SKIC3: variants seen among roughly 807,000 people sequenced by gnomAD.
SKIC3 encodes the protein SKI3 subunit of superkiller complex, also known as superkiller complex protein 3.
the SKIC3 span, among the ~76,000 whole-genome samples, chr5:95,496,921 T>C: frequency 6.6e-6 from 1 of 152,202 alleles, no homozygotes; most frequent in African/African-American, 2.4e-5. Flanking sequence ...CCTGAAAATA[T>C]CTGGATGCTA....
At chr5:95,507,012 CT>C in the SKIC3 span, 1 of 1,604,706 alleles carries the variant, frequency 6.2e-7, no homozygotes, top group African/African-American at 1.3e-5. Flanking sequence ...CAAAATTGCC[CT>C]TAAAAAAAAA....
chr5:95,538,817 A>G, the SKIC3 span, among the ~76,000 whole-genome samples: 2 of 152,182 alleles, frequency 1.3e-5, no homozygotes, highest in Admixed American at 1.3e-4. Context: ...CTAAATATAA[A>G]TACTCTAAAC....
the SKIC3 span, chr5:95,512,694 T>C: frequency 1.3e-6 from 2 of 1,521,432 alleles, no homozygotes; most frequent in Admixed American, 1.7e-5. Flanking sequence ...AGTAAAACAA[T>C]GCACTTCAAT....
chr5:95,532,261 C>T, the SKIC3 span, among the ~76,000 whole-genome samples: 1 of 152,124 alleles, frequency 6.6e-6, no homozygotes, highest in African/African-American at 2.4e-5. Flanking sequence ...AAAATAGTTT[C>T]CAAAAGGCTG....
At chr5:95,537,209 C>G in the SKIC3 span, 7 of 1,310,300 alleles carry the variant, frequency 5.3e-6, no homozygotes, top group East Asian at 2.4e-5. Flanking sequence ...GTATAAGACT[C>G]TCTTACACAA....
the SKIC3 span, chr5:95,537,130 A>G: frequency 6.2e-7 from 1 of 1,613,262 alleles, no homozygotes; most frequent in African/African-American, 1.3e-5. Flanking sequence ...CATTCTCAAA[A>G]GCAGTAAAAA....
the SKIC3 span, among the ~76,000 whole-genome samples, chr5:95,505,527 C>T: frequency 5.9e-5 from 9 of 152,064 alleles, 1 homozygote; most frequent in Middle Eastern, 3.4e-3. Context: ...AAAAAGTAAC[C>T]TGAAGGCCGG....
At chr5:95,548,848 AAAAC>A in the SKIC3 span, 1 of 152,028 alleles carries the variant, frequency 6.6e-6, no homozygotes, top group Non-Finnish European at 1.5e-5. Context: ...TCTCAAATTA[AAAAC>A]AAACAAAAGA....
chr5:95,540,685 A>G, the SKIC3 span: 2 of 1,614,060 alleles, frequency 1.2e-6, no homozygotes, highest in Non-Finnish European at 1.7e-6. Flanking sequence ...TAAATGAGTC[A>G]ATACCAATTG....
chr5:95,510,310 G>A, the SKIC3 span, among the ~76,000 whole-genome samples: 10 of 152,120 alleles, frequency 6.6e-5, no homozygotes, highest in African/African-American at 2.4e-4. Context: ...ACTAACTTTG[G>A]GAGGAACTTG....
chr5:95,487,790 T>C, the SKIC3 span, among the ~76,000 whole-genome samples: 1 of 152,034 alleles, frequency 6.6e-6, no homozygotes, highest in South Asian at 2.1e-4. Context: ...CAAGGAAATA[T>C]GACACTTCCA....
the SKIC3 span, among the ~76,000 whole-genome samples, chr5:95,526,910 T>C: frequency 6.6e-6 from 1 of 152,212 alleles, no homozygotes; most frequent in South Asian, 2.1e-4. Flanking sequence ...ACCTTCGTTA[T>C]TTCATTATCC....
chr5:95,540,912 T>C, the SKIC3 span: 1 of 1,364,444 alleles, frequency 7.3e-7, no homozygotes, highest in South Asian at 1.2e-5. Context: ...AATAAAAACA[T>C]TTTTAATTTG....
the SKIC3 span, among the ~76,000 whole-genome samples, chr5:95,486,001 A>G: frequency 2.0e-5 from 3 of 152,144 alleles, no homozygotes; most frequent in East Asian, 5.8e-4. Flanking sequence ...TTACATTCCT[A>G]CCATGGACTC....
chr5:95,523,977 A>G, the SKIC3 span: 1 of 841,240 alleles, frequency 1.2e-6, no homozygotes, highest in Non-Finnish European at 1.8e-6. Context: ...AAATCCTTTG[A>G]TGTAAGATTT....
the SKIC3 span, chr5:95,523,060 AAAC>A: frequency 1.7e-6 from 2 of 1,166,510 alleles, no homozygotes; most frequent in Non-Finnish European, 2.5e-6. Flanking sequence ...ACTGCCCTGC[AAAC>A]AATAAACACC....
chr5:95,477,702 G>A, the SKIC3 span, among the ~76,000 whole-genome samples: 100 of 152,062 alleles, frequency 6.6e-4, no homozygotes, highest in Middle Eastern at 6.8e-3. Context: ...AACACACATG[G>A]TATATTTAGA....
chr5:95,509,729 A>G, the SKIC3 span: 1 of 1,275,854 alleles, frequency 7.8e-7, no homozygotes, highest in African/African-American at 1.5e-5. Context: ...ATGCCTACTG[A>G]TGGTATTAAC....
At chr5:95,521,892 T>A in the SKIC3 span, among the ~76,000 whole-genome samples, 1 of 152,132 alleles carries the variant, frequency 6.6e-6, no homozygotes, top group Admixed American at 6.6e-5. Context: ...TCTTTTTATA[T>A]TCAAATTTAT....
Sources: allele counts gnomAD v4.1 joint callset (sites outside exome capture counted in the v4.1 genomes callset), GRCh38; gene constraint gnomAD v4.1.1; transcripts MANE v1.5; gene names NCBI Gene and HGNC (gene_info 2026-07-23, HGNC 2026-07-21).